Variants in MYO9B observed in about 807,000 individuals in gnomAD.
The protein encoded by MYO9B is unconventional myosin-IXb.
Under a neutral mutation model 229.5 loss-of-function variants are expected in MYO9B, and 71 were observed. That is an observed-to-expected ratio of 0.31 (90% CI 0.26 to 0.38). The LOEUF is 0.38. Among genes scored for constraint, MYO9B ranks in the 10% least tolerant of loss-of-function variants. MYO9B has a pLI of 1.00. For synonymous variants in MYO9B, 1,185 were observed against 1,235.8 expected (o/e 0.96, Z 0.86); for missense variants, 2,255 against 2,920.5 (o/e 0.77, Z 5.25).
At chr19:17,094,615 G>A (rs2057670982) in intron 1 of MYO9B, among the ~76,000 whole-genome samples, 1 of 152,138 alleles carries the variant, frequency 6.6e-6, no homozygotes. Flanking sequence ...CTTAATTAAG[G>A]AAAAGTCACA....
chr19:17,184,508 C>T, intron 16 of MYO9B: 1 of 210,556 alleles, frequency 4.7e-6, no homozygotes, highest in Non-Finnish European at 9.6e-6. Context: ...AAGGACCTGG[C>T]CCTTCTTGAC....
In MYO9B at chr19:17,101,847, A is replaced by G; in HGVS notation, c.130A>G (p.Thr44Ala). 1.2e-6 allele frequency: 2 copies of G among 1,611,868 alleles called. No individual in the cohort carries two copies. Among genetic ancestry groups the G allele is most frequent in the Non-Finnish European group, 1.7e-6 (2 of 1,179,616 alleles). ...CGTGACTGCCACCAAGGACAGCACCACCTCGGACGTCATCAAGGACGCCAT... is the reference window on the plus strand; with the variant it reads ...CGTGACTGCCACCAAGGACAGCACCGCCTCGGACGTCATCAAGGACGCCAT... Reference protein sequence around the residue: ...CRVTATKDSTTSDVIKDAIAS... With the variant: ...CRVTATKDSTASDVIKDAIAS... Residue 44 changes from threonine to alanine, a missense_variant, in exon 2 of 40, where the codon ACC becomes GCC. Physicochemically the swap from Thr to Ala is moderately conservative, Grantham distance 58. Transcript: ENST00000682292. The surrounding 1 kb of genome is among the most constrained non-coding windows in gnomAD (Gnocchi z 4.7).
At chr19:17,137,491 C>T (rs2072285827) in intron 2 of MYO9B, among the ~76,000 whole-genome samples, 1 of 152,138 alleles carries the variant, frequency 6.6e-6, no homozygotes. Context: ...ACTTCCCAGA[C>T]CCCCTTCTCT....
At chr19:17,116,287 A>G (rs2057903074) in intron 2 of MYO9B, among the ~76,000 whole-genome samples, 1 of 152,180 alleles carries the variant, frequency 6.6e-6, no homozygotes, top group Non-Finnish European at 1.5e-5. Context: ...GGACCCTGTC[A>G]TCCTCCTGGT....
chr19:17,209,923 C>G (rs1426019843), intron 36 of MYO9B, among the ~76,000 whole-genome samples: 1 of 152,052 alleles, frequency 6.6e-6, no homozygotes, highest in Non-Finnish European at 1.5e-5. Context: ...CCCAGTTCCC[C>G]GCCCACTCCT....
intron 7 of MYO9B, chr19:17,157,791 A>C (rs1420499549): frequency 2.0e-5 from 3 of 152,276 alleles, no homozygotes; most frequent in Non-Finnish European, 4.4e-5. Flanking sequence ...CAAGGCAGGA[A>C]GATTGCTTGA....
intron 14 of MYO9B, among the ~76,000 whole-genome samples, chr19:17,180,291 G>A (rs2072842760): frequency 6.7e-6 from 1 of 149,930 alleles, no homozygotes; most frequent in Non-Finnish European, 1.5e-5. Context: ...AACTTTTTCA[G>A]TGATCCAAAT....
intron 24 of MYO9B, among the ~76,000 whole-genome samples, chr19:17,199,568 C>T (rs2073083458): frequency 6.6e-6 from 1 of 151,854 alleles, no homozygotes; most frequent in Non-Finnish European, 1.5e-5. Context: ...GTCTGGAGTG[C>T]AATGGCTCAA....
chr19:17,128,145 G>C (rs941779952), intron 2 of MYO9B, among the ~76,000 whole-genome samples: 1 of 152,000 alleles, frequency 6.6e-6, no homozygotes, highest in Non-Finnish European at 1.5e-5. Flanking sequence ...GGGAGGCCGA[G>C]GCAGGAGAAT....
chr19:17,095,019 A>G (rs555438817), intron 1 of MYO9B, among the ~76,000 whole-genome samples: 1 of 152,106 alleles, frequency 6.6e-6, no homozygotes, highest in Non-Finnish European at 1.5e-5. Flanking sequence ...TGGGCAGATC[A>G]CTTGAAGTCA....
intron 1 of MYO9B, among the ~76,000 whole-genome samples, chr19:17,086,253 C>T (rs1600018538): frequency 6.6e-6 from 1 of 152,184 alleles, no homozygotes; most frequent in Admixed American, 6.5e-5. Flanking sequence ...TTCTCTCTCC[C>T]GGCCTCCAGC....
chr19:17,191,326 T>G, intron 20 of MYO9B, 107 bp downstream of exon 20: 6 of 1,345,330 alleles, frequency 4.5e-6, no homozygotes, highest in Non-Finnish European at 6.0e-6. Flanking sequence ...TACAGGGCTC[T>G]GTCTAGGAAA....
rs59395007 is a variant in MYO9B, at chr19:17,194,172, A to AAAAATAAAATAAAATAAAAT, written c.3129-374_3129-355dup. ...GGACAACAGAGCGAGACTCTGTCTC[A>AAAAATAAAATAAAATAAAAT]AAAATAAAATAAAATAAAATAAAAT... On this transcript the variant is annotated intron_variant, in intron 21 of 39. Transcript: ENST00000682292. 5.4e-3 allele frequency among the ~76,000 whole-genome samples: 804 copies of AAAAATAAAATAAAATAAAAT among 148,520 alleles called. 4 individuals are homozygous for AAAAATAAAATAAAATAAAAT. The highest frequency in any genetic ancestry group is 9.2e-3 in the Admixed American group (135 of 14,696).
chr19:17,101,894 C>A lies in MYO9B; in HGVS notation c.177C>A (p.Gly59=). The A allele has an allele frequency of 6.2e-7, 1 of 1,613,498 alleles. No homozygotes were observed. The part of the protein sequence containing the change: ...KDAIASLRLD[G]TKCYVLVEVK... ...CCATTGCCAGCCTGCGGCTGGACGG[C>A]ACCAAATGTTATGTGCTGGTGGAGG... The change falls in exon 2 of 40, where the codon GGC becomes GGA. Residue 59 remains glycine (G), a synonymous_variant. Transcript: ENST00000682292. This position sits in a 1 kb window ranked among gnomAD's most constrained non-coding sequence, Gnocchi z 4.7.
chr19:17,111,730 A>G (rs1479727500), intron 2 of MYO9B, among the ~76,000 whole-genome samples: 1 of 152,190 alleles, frequency 6.6e-6, no homozygotes, highest in African/African-American at 2.4e-5. Flanking sequence ...ATGCAGTTCC[A>G]GAACATTTCC....
At chr19:17,099,758 C>T (rs1599321554) in intron 1 of MYO9B, among the ~76,000 whole-genome samples, 2 of 144,280 alleles carry the variant, frequency 1.4e-5, no homozygotes, top group Non-Finnish European at 1.5e-5. Context: ...GCGGAGCTTG[C>T]AGTGAGCCAA....
At chr19:17,114,989 TA>T (rs201941418) in intron 2 of MYO9B, among the ~76,000 whole-genome samples, 2 of 150,972 alleles carry the variant, frequency 1.3e-5, no homozygotes, top group East Asian at 1.9e-4. Context: ...TTCTTAACTT[TA>T]AAAAAAATTT....
rs150960832 is a variant in MYO9B, at chr19:17,156,394, G to A, written c.1200-515G>A. Among the ~76,000 whole-genome samples the A allele has an allele frequency of 4.9e-3, 747 of 152,114 alleles. 2 individuals are homozygous for A. Among genetic ancestry groups the A allele is most frequent in the African/African-American group, 0.017 (721 of 41,510 alleles). On this transcript the variant is annotated intron_variant, in intron 6 of 39. Transcript: ENST00000682292. Reference sequence around the variant, plus strand: ...CGCACCACTGCACTCCAGCCTGGGTGACAGAGTGAGACCCTGTTTCCAAAA... The same window carrying A: ...CGCACCACTGCACTCCAGCCTGGGTAACAGAGTGAGACCCTGTTTCCAAAA...
intron 2 of MYO9B, among the ~76,000 whole-genome samples, chr19:17,132,952 A>G (rs1286613934): frequency 6.6e-6 from 1 of 151,392 alleles, no homozygotes; most frequent in Non-Finnish European, 1.5e-5. Flanking sequence ...GGTTCGTGCC[A>G]TTCCCCTGCC....
Sources: gnomAD v4.1 joint callset for allele counts (sites outside exome capture counted in the v4.1 genomes callset) on GRCh38, gnomAD v4.1.1 for gene constraint, Gnocchi (gnomAD v3.1) non-coding constraint, MANE v1.5 for transcripts, NCBI Gene and HGNC (gene_info 2026-07-23, HGNC 2026-07-21) for gene names.